The following SLC12A7 variants were observed in gnomAD, a reference collection of about 807,000 sequenced individuals.
SLC12A7 encodes the protein K-Cl cotransporter 4.
SLC12A7 carries 100 observed loss-of-function variants against 120.6 expected under a neutral mutation model. The ratio of observed to expected loss-of-function variants is 0.83; its 90% CI spans 0.71 to 0.98. SLC12A7 has a LOEUF of 0.98. SLC12A7 is among the 50% of genes least tolerant of loss of function. The pLI is 0.00. For synonymous variants in SLC12A7, 760 were observed against 678.0 expected, an observed-to-expected ratio of 1.12 and a Z score of -1.88; for missense variants, 1,373 against 1,548.1, an observed-to-expected ratio of 0.89 and a Z score of 1.90.
the SLC12A7 span, among the ~76,000 whole-genome samples, chr5:1,134,313 T>TA: frequency 1.3e-5 from 2 of 151,934 alleles, no homozygotes; most frequent in Non-Finnish European, 2.9e-5. Context: ...CTACTAAAAA[T>TA]ACAAAAATCA....
chr5:1,086,961 T>A lies in SLC12A7; in HGVS notation c.617A>T (p.Tyr206Phe), dbSNP rs772566310. 3 of 1,612,636 alleles carry A rather than the reference T, an allele frequency of 1.9e-6. No homozygotes were observed. The highest frequency in any genetic ancestry group is 3.3e-5 in the Admixed American group (2 of 60,008). ...GGCCCCTGCAAACGTCGTGCCCAGG[T>A]AGAAGCAGAGGCCGACAGCGCCTCC... ...EFGGAVGLCFYLGTTFAGAMY... is the reference protein window; with the variant it reads ...EFGGAVGLCFFLGTTFAGAMY... The change falls in exon 6 of 24, where the codon TAC (tyrosine) becomes TTC (phenylalanine). Residue 206 changes from tyrosine to phenylalanine, a missense_variant. Physicochemically the swap from Tyr to Phe is conservative, Grantham distance 22. Transcript: ENST00000264930.
chr5:1,130,622 G>GCT, the SLC12A7 span, among the ~76,000 whole-genome samples: 19 of 151,772 alleles, frequency 1.3e-4, no homozygotes, highest in Non-Finnish European at 1.3e-4. Flanking sequence ...AGCCAGGGTG[G>GCT]GGGCAGCAGG....
intron 17 of SLC12A7, among the ~76,000 whole-genome samples, chr5:1,068,598 C>G (rs190506820): frequency 1.2e-4 from 19 of 152,352 alleles, no homozygotes; most frequent in African/African-American, 4.3e-4. Context: ...CTCCAGCCCT[C>G]GCAACCAATG....
chr5:1,081,350 C>T (rs1014548072), intron 9 of SLC12A7, among the ~76,000 whole-genome samples: 5 of 151,466 alleles, frequency 3.3e-5, no homozygotes, highest in African/African-American at 4.9e-5. Context: ...TCCCGGCTGC[C>T]CCCCTCTACA....
intron 17 of SLC12A7, among the ~76,000 whole-genome samples, chr5:1,068,322 C>T (rs1737273830): frequency 1.3e-5 from 2 of 152,304 alleles, no homozygotes; most frequent in Admixed American, 1.3e-4. Flanking sequence ...GTAATCCCAG[C>T]TACTGGGAGG....
chr5:1,154,721 G>T, the SLC12A7 span, among the ~76,000 whole-genome samples: 2 of 152,216 alleles, frequency 1.3e-5, no homozygotes, highest in Admixed American at 6.5e-5. Context: ...GGACACGCAC[G>T]GCCCCCACAC....
chr5:1,084,909 G>A (rs993356904), intron 7 of SLC12A7, among the ~76,000 whole-genome samples: 21 of 152,002 alleles, frequency 1.4e-4, no homozygotes, highest in Middle Eastern at 3.2e-3. Flanking sequence ...AGCAGCCAGG[G>A]CCACACCCAT....
At chr5:1,132,296 C>A in the SLC12A7 span, among the ~76,000 whole-genome samples, 1 of 152,178 alleles carries the variant, frequency 6.6e-6, no homozygotes, top group South Asian at 2.1e-4. Context: ...GCCCACAGTT[C>A]TGGGAATTTT....
chr5:1,053,549 C>T, intron 22 of SLC12A7, 67 bp from the exon 23 acceptor site: 1 of 1,576,188 alleles, frequency 6.3e-7, no homozygotes, highest in Non-Finnish European at 8.6e-7. Context: ...CGAGGCTGAG[C>T]TGAGCCCTGA....
chr5:1,149,590 T>TA, the SLC12A7 span, among the ~76,000 whole-genome samples: 36 of 150,208 alleles, frequency 2.4e-4, no homozygotes, highest in Admixed American at 6.0e-4. Flanking sequence ...AACAAATAAA[T>TA]TAAAAAAAAT....
At chr5:1,149,974 G>A in the SLC12A7 span, among the ~76,000 whole-genome samples, 1 of 152,204 alleles carries the variant, frequency 6.6e-6, no homozygotes, top group Non-Finnish European at 1.5e-5. Flanking sequence ...AGGTTGCGGT[G>A]AGCTGAGATC....
the SLC12A7 span, among the ~76,000 whole-genome samples, chr5:1,118,015 G>A: frequency 4.2e-3 from 634 of 152,304 alleles, no homozygotes; most frequent in African/African-American, 0.014. Context: ...GGCGGAGCTT[G>A]CAGTGAGCTG....
the SLC12A7 span, among the ~76,000 whole-genome samples, chr5:1,136,190 T>C: frequency 6.6e-6 from 1 of 152,108 alleles, no homozygotes; most frequent in African/African-American, 2.4e-5. Context: ...TGCGGCTTTG[T>C]CCTCCCAAGG....
intron 1 of SLC12A7, among the ~76,000 whole-genome samples, chr5:1,111,266 GAA>G (rs1487120724): frequency 6.6e-6 from 1 of 152,136 alleles, no homozygotes; most frequent in East Asian, 1.9e-4. Flanking sequence ...GAAAGTGCTA[GAA>G]ACCTCCAGAT....
the SLC12A7 span, among the ~76,000 whole-genome samples, chr5:1,121,880 T>C: frequency 6.6e-6 from 1 of 152,126 alleles, no homozygotes; most frequent in Non-Finnish European, 1.5e-5. Flanking sequence ...CTGTCCCTGA[T>C]GGGGTTGTGC....
chr5:1,088,293 G>A lies in SLC12A7; in HGVS notation c.544+13C>T, dbSNP rs1195001381. 1.0e-5 allele frequency: 16 copies of A among 1,580,538 alleles called. No individual in the cohort carries two copies. Among genetic ancestry groups the A allele is most frequent in the African/African-American group, 1.3e-5 (1 of 74,602 alleles). On this transcript the variant is annotated intron_variant, in intron 5 of 23. Coordinates refer to ENST00000264930, the MANE Select transcript of SLC12A7 (RefSeq NM_006598.3). ...AACAGGACTCAGGGCCGCGGCTGGC[G>A]GGCACCCCTTACCTGGGACCACACC... is the stretch of plus-strand genomic sequence containing the variant.
At chr5:1,138,491 C>T in the SLC12A7 span, among the ~76,000 whole-genome samples, 2 of 152,192 alleles carry the variant, frequency 1.3e-5, no homozygotes, top group African/African-American at 4.8e-5. Context: ...CCCACCCTAC[C>T]CAGAGGCCCA....
chr5:1,130,062 G>A, the SLC12A7 span, among the ~76,000 whole-genome samples: 6 of 152,164 alleles, frequency 3.9e-5, no homozygotes, highest in African/African-American at 1.2e-4. Context: ...TCTCCTCCAC[G>A]ACTTTACTTC....
chr5:1,096,966 A>G (rs1741328260), intron 1 of SLC12A7, among the ~76,000 whole-genome samples: 1 of 151,950 alleles, frequency 6.6e-6, no homozygotes, highest in Non-Finnish European at 1.5e-5. Flanking sequence ...TCTCCCTCCC[A>G]CGCAGCCAAC....
Sources: gnomAD v4.1 joint callset for allele counts (sites outside exome capture counted in the v4.1 genomes callset) on GRCh38, gnomAD v4.1.1 for gene constraint, MANE v1.5 for transcripts, NCBI Gene and HGNC (gene_info 2026-07-23, HGNC 2026-07-21) for gene names.